The following HERC4 variants were observed in gnomAD, a reference collection of about 807,000 sequenced individuals.
The protein encoded by HERC4 is HECT and RLD domain containing E3 ubiquitin protein ligase 4.
Under a neutral mutation model 124.3 loss-of-function variants are expected in HERC4, and 28 were observed. That is an observed-to-expected ratio of 0.23 (90% CI 0.17 to 0.31). The LOEUF (loss-of-function observed/expected upper bound fraction) is 0.31, where lower values mean the gene tolerates loss of function less well. Ranked by LOEUF, HERC4 falls within the 10% of genes least tolerant of loss-of-function variation. The pLI is 1.00. For synonymous variants in HERC4, 407 were observed against 421.5 expected, an observed-to-expected ratio of 0.97 and a Z score of 0.42; for missense variants, 713 against 1,229.3, an observed-to-expected ratio of 0.58 and a Z score of 6.28.
Position 67,950,926 on chromosome 10 carries a change from G to GA in HERC4, c.2337+3668dup, listed in dbSNP as rs1305985496. Among the ~76,000 whole-genome samples the GA allele has an allele frequency of 5.9e-5, 9 of 152,234 alleles. No individual in the cohort carries two copies. The East Asian group carries it at 1.7e-3, about 29-fold the overall frequency. Reference sequence around the variant, plus strand: ...CACTTAAAGAAGACACGGCTCTTAAGAAAAATGCTAATGCCATGGCTGGGG... The same window carrying GA: ...CACTTAAAGAAGACACGGCTCTTAAGAAAAAATGCTAATGCCATGGCTGGGG... On this transcript the variant is annotated intron_variant, in intron 19 of 24. Coordinates refer to ENST00000373700, the MANE Select transcript of HERC4 (RefSeq NM_015601.4).
At chr10:67,988,904 TGAC>T (rs2036408379) in intron 14 of HERC4, 69 bp from the exon 15 acceptor site, 1 of 1,283,668 alleles carries the variant, frequency 7.8e-7, no homozygotes, top group South Asian at 1.3e-5. Context: ...AAAATCATAC[TGAC>T]TTTTTTTCTG....
At chr10:67,949,111 T>C (rs1268265413) in intron 19 of HERC4, among the ~76,000 whole-genome samples, 1 of 149,166 alleles carries the variant, frequency 6.7e-6, no homozygotes, top group African/African-American at 2.5e-5. Context: ...TAAAATAAAA[T>C]AAAAATACAA....
chr10:67,938,124 CAA>C (rs1313346253), intron 21 of HERC4, among the ~76,000 whole-genome samples: 1 of 151,286 alleles, frequency 6.6e-6, no homozygotes, highest in East Asian at 2.0e-4. Flanking sequence ...GGGTGGCAAA[CAA>C]ATATACAAGC....
rs1174125399 is a variant in HERC4 at position 68,059,859 on chromosome 10, ATAT to A, written c.226+13021_226+13023del. Among the ~76,000 whole-genome samples the A allele has an allele frequency of 1.4e-4, 11 of 80,508 alleles. 1 individual carries two copies. Among genetic ancestry groups the A allele is most frequent in the South Asian group, 7.1e-4 (2 of 2,814 alleles). 52.8% of individuals were successfully genotyped at this position (80,508 alleles called of 152,430 possible). On this transcript the variant is annotated intron_variant, in intron 3 of 24. Coordinates refer to ENST00000373700, the MANE Select transcript of HERC4 (RefSeq NM_015601.4). Reference sequence around the variant, plus strand: ...ATATTATAATATATTATATATCATAATATTATATATTATAATAATATTATATAT... The same window carrying A: ...ATATTATAATATATTATATATCATAATATATATTATAATAATATTATATAT...
chr10:67,929,896 C>T (rs1383711916), intron 23 of HERC4, among the ~76,000 whole-genome samples: 1 of 151,472 alleles, frequency 6.6e-6, no homozygotes, highest in Non-Finnish European at 1.5e-5. Flanking sequence ...TCACTGCAAC[C>T]TCTGCCTCCT....
At chr10:67,960,963 T>C (rs2034477418) in intron 16 of HERC4, 1 of 358,920 alleles carries the variant, frequency 2.8e-6, no homozygotes, top group South Asian at 2.4e-5. Flanking sequence ...TCTTGGATCA[T>C]GATTTTCATC....
chr10:68,027,815 C>T (rs536833044), intron 7 of HERC4, among the ~76,000 whole-genome samples: 5 of 151,692 alleles, frequency 3.3e-5, no homozygotes, highest in African/African-American at 9.7e-5. Context: ...CCCAGCTACT[C>T]GGGAGGCTGA....
chr10:67,925,592 T>C (rs1030801344), intron 23 of HERC4, among the ~76,000 whole-genome samples: 4 of 152,070 alleles, frequency 2.6e-5, no homozygotes, highest in African/African-American at 9.7e-5. Flanking sequence ...TAAGCAACAC[T>C]AAAAATTTTC....
chr10:67,994,086 T>C (rs2132816628), intron 9 of HERC4: 1 of 152,344 alleles, frequency 6.6e-6, no homozygotes, highest in Non-Finnish European at 1.5e-5. Flanking sequence ...CTTCAGAGTT[T>C]AGAACAATAA....
At chr10:68,062,477 G>T (rs1002068776) in intron 3 of HERC4, among the ~76,000 whole-genome samples, 1 of 152,016 alleles carries the variant, frequency 6.6e-6, no homozygotes, top group Non-Finnish European at 1.5e-5. Flanking sequence ...ACCATCGGCC[G>T]GGCACGGTGG....
chr10:67,996,706 C>T (rs1452674845), intron 9 of HERC4, among the ~76,000 whole-genome samples: 1 of 151,926 alleles, frequency 6.6e-6, no homozygotes, highest in African/African-American at 2.4e-5. Context: ...TTTGACTGGC[C>T]AGGCGCGGTG....
intron 15 of HERC4, among the ~76,000 whole-genome samples, chr10:67,969,648 G>C (rs888376329): frequency 6.6e-6 from 1 of 152,148 alleles, no homozygotes; most frequent in African/African-American, 2.4e-5. Flanking sequence ...TGCTGAGGGA[G>C]GGAAAAACCT....
chr10:67,927,430 A>ATATATATAT (rs1564911511), intron 23 of HERC4, among the ~76,000 whole-genome samples: 1 of 37,926 alleles, frequency 2.6e-5, no homozygotes, highest in African/African-American at 5.8e-5. Flanking sequence ...ATATATATAT[A>ATATATATAT]TTTTTTTTTT....
intron 24 of HERC4, among the ~76,000 whole-genome samples, chr10:67,923,798 A>T (rs904730544): frequency 5.3e-5 from 8 of 151,716 alleles, no homozygotes; most frequent in African/African-American, 1.9e-4. Flanking sequence ...CATCCTTATG[A>T]CACACAGAAG....
chr10:68,040,431 A>G, intron 4 of HERC4: 1 of 886,218 alleles, frequency 1.1e-6, no homozygotes, highest in Middle Eastern at 5.8e-4. Flanking sequence ...AATACTGTGA[A>G]TGGTAAAACA....
intron 23 of HERC4, among the ~76,000 whole-genome samples, chr10:67,931,393 A>AT (rs1051685054): frequency 1.2e-4 from 19 of 152,350 alleles, no homozygotes; most frequent in African/African-American, 4.3e-4. Context: ...TTTAAAAATC[A>AT]TAACTGCATT....
intron 9 of HERC4, among the ~76,000 whole-genome samples, chr10:68,002,282 C>T (rs1302143171): frequency 1.3e-5 from 2 of 151,984 alleles, no homozygotes; most frequent in Admixed American, 6.6e-5. Flanking sequence ...TTAACACACA[C>T]GTGACTCAAC....
chr10:67,995,792 G>T (rs1589274328), intron 9 of HERC4, among the ~76,000 whole-genome samples: 1 of 151,974 alleles, frequency 6.6e-6, no homozygotes, highest in South Asian at 2.1e-4. Flanking sequence ...CTTGTCTTAA[G>T]AAGTATTTAC....
At chr10:67,995,367 T>C in intron 9 of HERC4, 2 of 254,424 alleles carry the variant, frequency 7.9e-6, no homozygotes, top group South Asian at 3.4e-5. Flanking sequence ...TATTATATAG[T>C]TATCTTATAA....
Sources: allele counts gnomAD v4.1 joint callset (sites outside exome capture counted in the v4.1 genomes callset), GRCh38; gene constraint gnomAD v4.1.1; transcripts MANE v1.5; gene names NCBI Gene and HGNC (gene_info 2026-07-23, HGNC 2026-07-21).